The following PDSS2 variants were observed in gnomAD, a reference collection of about 807,000 sequenced individuals.
The protein encoded by PDSS2 is all trans-polyprenyl-diphosphate synthase PDSS2.
A neutral mutation model predicts 44.5 loss-of-function variants in PDSS2; 31 were observed. That is an observed-to-expected ratio of 0.70 (90% CI 0.52 to 0.94). PDSS2 has a LOEUF of 0.94. Ranked by LOEUF, PDSS2 falls within the 40% of genes least tolerant of loss-of-function variation. The pLI, the probability that PDSS2 is intolerant of heterozygous loss-of-function variation, is 0.00. For synonymous variants in PDSS2, 157 were observed against 180.3 expected, an observed-to-expected ratio of 0.87 and a Z score of 1.03; for missense variants, 452 against 482.2, an observed-to-expected ratio of 0.94 and a Z score of 0.59.
chr6:107,225,166 T>TA (rs1773771631), intron 4 of PDSS2, among the ~76,000 whole-genome samples: 3 of 38,790 alleles, frequency 7.7e-5, no homozygotes, highest in African/African-American at 1.4e-4. Flanking sequence ...TATATATTTT[T>TA]TTTTTTTTTT....
At chr6:107,280,766 T>C in intron 2 of PDSS2, among the ~76,000 whole-genome samples, 1 of 152,228 alleles carries the variant, frequency 6.6e-6, no homozygotes, top group African/African-American at 2.4e-5. Flanking sequence ...TTTAAGTTGA[T>C]GTTAAAATAG....
intron 4 of PDSS2, among the ~76,000 whole-genome samples, chr6:107,226,076 A>G (rs2114707860): frequency 6.6e-6 from 1 of 152,324 alleles, no homozygotes; most frequent in Non-Finnish European, 1.5e-5. Flanking sequence ...TGGGAGGCCG[A>G]GGCAGGAGGA....
chr6:107,336,324 G>T (rs1777892895), intron 1 of PDSS2, among the ~76,000 whole-genome samples: 1 of 151,206 alleles, frequency 6.6e-6, no homozygotes, highest in African/African-American at 2.4e-5. Context: ...TTTAAAAGGG[G>T]CCCCTTTTAC....
chr6:107,301,872 C>A (rs554209421), intron 2 of PDSS2, among the ~76,000 whole-genome samples: 9 of 138,542 alleles, frequency 6.5e-5, no homozygotes, highest in African/African-American at 2.4e-4. Flanking sequence ...TGCAGTGAGC[C>A]GAGATCACGC....
At chr6:107,278,907 C>T (rs1253934751) in intron 2 of PDSS2, among the ~76,000 whole-genome samples, 1 of 152,164 alleles carries the variant, frequency 6.6e-6, no homozygotes, top group East Asian at 1.9e-4. Flanking sequence ...GAACTCAGAG[C>T]CACCTTGTCA....
At chr6:107,212,048 T>C (rs1324970002) in intron 5 of PDSS2, 61 bp downstream of exon 5, 15 of 1,399,922 alleles carry the variant, frequency 1.1e-5, no homozygotes, top group East Asian at 2.3e-5. Flanking sequence ...TGGCAAAAGG[T>C]TTCTTGTGTG....
chr6:107,194,273 C>A (rs559062068), intron 6 of PDSS2, among the ~76,000 whole-genome samples: 5 of 152,320 alleles, frequency 3.3e-5, no homozygotes, highest in African/African-American at 1.2e-4. Context: ...TTCCCCAAAA[C>A]CAGAATTAAT....
At chr6:107,220,458 TC>T (rs1045679798) in intron 4 of PDSS2, among the ~76,000 whole-genome samples, 2 of 152,154 alleles carry the variant, frequency 1.3e-5, no homozygotes, top group African/African-American at 4.8e-5. Context: ...AAACAGCCTG[TC>T]CTCAAGAAGC....
At chr6:107,425,885 T>C (rs1437580072) in intron 1 of PDSS2, among the ~76,000 whole-genome samples, 1 of 149,648 alleles carries the variant, frequency 6.7e-6, no homozygotes, top group Non-Finnish European at 1.5e-5. Context: ...GGCGTGAGCC[T>C]GGGAGGTGGA....
intron 1 of PDSS2, among the ~76,000 whole-genome samples, chr6:107,381,170 T>C (rs1779443540): frequency 6.6e-6 from 1 of 152,186 alleles, no homozygotes; most frequent in Non-Finnish European, 1.5e-5. Flanking sequence ...ACGTATTTAA[T>C]AAATATTTGT....
intron 4 of PDSS2, among the ~76,000 whole-genome samples, chr6:107,237,897 G>GAAAAAAAAAAAAAAAA (rs71551306): frequency 1.2e-5 from 1 of 80,660 alleles, no homozygotes; most frequent in Non-Finnish European, 2.5e-5. Context: ...CTCCGTCTCT[G>GAAAAAAAAAAAAAAAA]AAAAAAAAAA....
intron 1 of PDSS2, among the ~76,000 whole-genome samples, chr6:107,436,654 T>C (rs1781357133): frequency 6.6e-6 from 1 of 152,186 alleles, no homozygotes; most frequent in Non-Finnish European, 1.5e-5. Flanking sequence ...AGTTCTAGTG[T>C]TCTTTATCAC....
chr6:107,206,379 AATAGAG>A (rs1223894196), intron 6 of PDSS2, among the ~76,000 whole-genome samples: 2 of 152,092 alleles, frequency 1.3e-5, no homozygotes, highest in African/African-American at 4.8e-5. Context: ...GCCTGTTTCT[AATAGAG>A]ATAAATATTT....
Position 107,263,351 on chromosome 6 carries a change from G to A in PDSS2, c.630+10678C>T, listed in dbSNP as rs1260309082. Among the ~76,000 whole-genome samples, 3 of 152,210 alleles carry A rather than the reference G, an allele frequency of 2.0e-5. No homozygotes were observed. The East Asian group carries it at 5.8e-4, about 29-fold the overall frequency. On this transcript the variant is annotated intron_variant, in intron 3 of 7. Coordinates refer to ENST00000369037, the MANE Select transcript of PDSS2 (RefSeq NM_020381.4). ...GCCTGTAATCCCAGCTACTCAGGAGGCTGAGGCAGAAGAATCGCTTGAGCC... is the reference window on the plus strand; with the variant it reads ...GCCTGTAATCCCAGCTACTCAGGAGACTGAGGCAGAAGAATCGCTTGAGCC...
intron 1 of PDSS2, among the ~76,000 whole-genome samples, chr6:107,388,887 G>A (rs1779695507): frequency 1.3e-5 from 2 of 151,968 alleles, no homozygotes; most frequent in East Asian, 1.9e-4. Context: ...GTGACAACAA[G>A]GAATAACCTA....
intron 2 of PDSS2, among the ~76,000 whole-genome samples, chr6:107,275,491 C>T (rs577909743): frequency 6.6e-6 from 1 of 152,040 alleles, no homozygotes; most frequent in Non-Finnish European, 1.5e-5. Flanking sequence ...TTGCTTTGGC[C>T]AATAGGACAT....
At chr6:107,337,844 T>A (rs1562471690) in intron 1 of PDSS2, among the ~76,000 whole-genome samples, 1 of 152,150 alleles carries the variant, frequency 6.6e-6, no homozygotes, top group Non-Finnish European at 1.5e-5. Flanking sequence ...ATTATCATTA[T>A]CTCAATGATA....
At chr6:107,294,891 G>A (rs763863148) in intron 2 of PDSS2, among the ~76,000 whole-genome samples, 2 of 152,080 alleles carry the variant, frequency 1.3e-5, no homozygotes, top group Non-Finnish European at 2.9e-5. Flanking sequence ...ATAATTGTGG[G>A]TAGCATTTAC....
chr6:107,369,747 G>C (rs1191425575), intron 1 of PDSS2, among the ~76,000 whole-genome samples: 1 of 152,124 alleles, frequency 6.6e-6, no homozygotes, highest in Non-Finnish European at 1.5e-5. Context: ...GGCTCCACCT[G>C]TAATACCAGA....
Sources: gnomAD v4.1 joint callset for allele counts (sites outside exome capture counted in the v4.1 genomes callset) on GRCh38, gnomAD v4.1.1 for gene constraint, MANE v1.5 for transcripts, NCBI Gene and HGNC (gene_info 2026-07-23, HGNC 2026-07-21) for gene names.